The following XPR1 variants were observed in gnomAD, a reference collection of about 807,000 sequenced individuals.
The protein encoded by XPR1 is xenotropic and polytropic retrovirus receptor 1.
XPR1 carries 28 observed loss-of-function variants against 87.5 expected under a neutral mutation model. The ratio of observed to expected loss-of-function variants is 0.32; its 90% CI spans 0.24 to 0.44. XPR1 has a LOEUF of 0.44. Among genes scored for constraint, XPR1 ranks in the 20% least tolerant of loss-of-function variants. The pLI, the probability that XPR1 is intolerant of heterozygous loss-of-function variation, is 1.00. For synonymous variants in XPR1, 300 were observed against 306.1 expected, an observed-to-expected ratio of 0.98 and a Z score of 0.21; for missense variants, 559 against 862.3, an observed-to-expected ratio of 0.65 and a Z score of 4.41.
intron 1 of XPR1, among the ~76,000 whole-genome samples, chr1:180,635,688 A>G (rs911881660): frequency 2.6e-5 from 4 of 152,224 alleles, no homozygotes; most frequent in Non-Finnish European, 1.5e-5. Context: ...CCACTTGTTT[A>G]GGAATATGTG....
At chr1:180,744,139 A>G (rs1180931961) in intron 2 of XPR1, among the ~76,000 whole-genome samples, 1 of 152,196 alleles carries the variant, frequency 6.6e-6, no homozygotes, top group Non-Finnish European at 1.5e-5. Flanking sequence ...CAAGTCACTG[A>G]GATCCTCCCT....
chr1:180,820,099 T>C (rs1297763921), intron 7 of XPR1, among the ~76,000 whole-genome samples: 2 of 152,062 alleles, frequency 1.3e-5, no homozygotes, highest in African/African-American at 2.4e-5. Flanking sequence ...TCTTAAGATA[T>C]ATTTATTACT....
intron 1 of XPR1, among the ~76,000 whole-genome samples, chr1:180,640,776 G>C (rs1043434727): frequency 2.0e-5 from 3 of 152,140 alleles, no homozygotes; most frequent in African/African-American, 7.2e-5. Context: ...AGAAGAAAAA[G>C]GTAAGGAGAT....
intron 2 of XPR1, among the ~76,000 whole-genome samples, chr1:180,719,670 T>A (rs1397639735): frequency 2.0e-5 from 3 of 152,210 alleles, no homozygotes; most frequent in Non-Finnish European, 4.4e-5. Flanking sequence ...GTATGCAATG[T>A]GTAATGATCA....
intron 9 of XPR1, 148 bp downstream of exon 9, chr1:180,825,492 A>G (rs555948082): frequency 1.4e-6 from 1 of 739,050 alleles, no homozygotes; most frequent in African/African-American, 1.8e-5. Flanking sequence ...GGGAAAAAGT[A>G]CTCACGTATA....
intron 9 of XPR1, among the ~76,000 whole-genome samples, chr1:180,826,432 C>T (rs549454200): frequency 6.6e-6 from 1 of 152,056 alleles, no homozygotes; most frequent in African/African-American, 2.4e-5. Flanking sequence ...CCTGTAGTCC[C>T]AGATACTTGT....
At chr1:180,740,755 A>G (rs370670717) in intron 2 of XPR1, among the ~76,000 whole-genome samples, 6 of 152,192 alleles carry the variant, frequency 3.9e-5, no homozygotes, top group Non-Finnish European at 1.5e-5. Context: ...CCACATATCA[A>G]CAACAGAAAT....
chr1:180,816,928 C>G (rs1309169546), intron 7 of XPR1, among the ~76,000 whole-genome samples: 1 of 152,096 alleles, frequency 6.6e-6, no homozygotes, highest in Admixed American at 6.5e-5. Flanking sequence ...CAGAAGAAGG[C>G]ATTAATAGAA....
intron 11 of XPR1, among the ~76,000 whole-genome samples, chr1:180,846,867 A>G (rs1334454134): frequency 2.0e-5 from 3 of 152,178 alleles, no homozygotes; most frequent in Admixed American, 6.5e-5. Context: ...AAAAAAAAAA[A>G]AAAATGATGC....
chr1:180,719,710 T>C (rs1443411484), intron 2 of XPR1, among the ~76,000 whole-genome samples: 1 of 152,244 alleles, frequency 6.6e-6, no homozygotes, highest in Non-Finnish European at 1.5e-5. Context: ...TCTGTTACTT[T>C]AAACGTTTTA....
chr1:180,713,982 A>G (rs1657895959), intron 2 of XPR1, among the ~76,000 whole-genome samples: 1 of 152,130 alleles, frequency 6.6e-6, no homozygotes, highest in Admixed American at 6.5e-5. Flanking sequence ...AGAATCCACT[A>G]ATAAAGTCAT....
chr1:180,746,824 A>G (rs901506800), intron 2 of XPR1, among the ~76,000 whole-genome samples: 3 of 152,138 alleles, frequency 2.0e-5, no homozygotes, highest in African/African-American at 7.2e-5. Context: ...CCCTTGGGTA[A>G]TCTTCATAAA....
At chr1:180,652,293 C>CA (rs947233798) in intron 1 of XPR1, among the ~76,000 whole-genome samples, 145 of 145,102 alleles carry the variant, frequency 1.0e-3, no homozygotes, top group South Asian at 3.0e-3. Context: ...GACTCCATCT[C>CA]AAAAAAAAAA....
At chr1:180,738,458 A>G (rs150379994) in intron 2 of XPR1, among the ~76,000 whole-genome samples, 27 of 152,186 alleles carry the variant, frequency 1.8e-4, no homozygotes, top group African/African-American at 6.5e-4. Flanking sequence ...TAATATTTGT[A>G]TAAATAGGAT....
rs571268510 is a variant in XPR1, at chr1:180,778,965, C to T, written c.122-8788C>T. Among the ~76,000 whole-genome samples, 4 of 152,286 alleles carry T rather than the reference C, an allele frequency of 2.6e-5. No individual in the cohort carries two copies. In the South Asian group the frequency reaches 8.3e-4, roughly 32 times the overall value. ...GGCTTTGTGCGTGAAAGGGCCTTTA[C>T]CTGCCTCCCTGACCTCACCTCCTAT... On this transcript the variant is annotated intron_variant, in intron 2 of 14. Coordinates refer to ENST00000367590, the MANE Select transcript of XPR1 (RefSeq NM_004736.4).
At chr1:180,649,710 A>G (rs1033072302) in intron 1 of XPR1, among the ~76,000 whole-genome samples, 2 of 152,326 alleles carry the variant, frequency 1.3e-5, no homozygotes, top group South Asian at 2.1e-4. Flanking sequence ...GTATGTAGAC[A>G]TATTTTCAAT....
intron 7 of XPR1, among the ~76,000 whole-genome samples, chr1:180,822,707 G>T (rs568617640): frequency 2.0e-5 from 3 of 152,156 alleles, no homozygotes; most frequent in Admixed American, 2.0e-4. Context: ...GATATATGTT[G>T]TTCACATTTA....
In XPR1 at chr1:180,651,216, C is replaced by T. The variant is rs1263127927; in HGVS notation, c.69+18946C>T. On this transcript the variant is annotated intron_variant, in intron 1 of 14. Transcript: ENST00000367590. ...AAGCAATTCTCCTGCCTCAGCTTCA[C>T]GAGTAGCTGGGATTACGGGTGCCCG... is the stretch of plus-strand genomic sequence containing the variant. Among the ~76,000 whole-genome samples the T allele has an allele frequency of 2.0e-5, 3 of 151,852 alleles. 1 individual carries two copies. Among genetic ancestry groups the T allele is most frequent in the South Asian group, 4.1e-4 (2 of 4,824 alleles).
intron 1 of XPR1, among the ~76,000 whole-genome samples, chr1:180,647,902 C>CAAAAA (rs1009441967): frequency 0.014 from 803 of 55,784 alleles, 18 homozygotes; most frequent in Middle Eastern, 0.032. Flanking sequence ...CTCTTATCTG[C>CAAAAA]AAAAAAAAAA....
Sources: allele counts gnomAD v4.1 joint callset (sites outside exome capture counted in the v4.1 genomes callset), GRCh38; gene constraint gnomAD v4.1.1; transcripts MANE v1.5; gene names NCBI Gene and HGNC (gene_info 2026-07-23, HGNC 2026-07-21).